The following UNC5CL variants were observed in gnomAD, a reference collection of about 807,000 sequenced individuals.
UNC5CL encodes the protein UNC5C-like protein.
A neutral mutation model predicts 54.1 loss-of-function variants in UNC5CL; 42 were observed. The ratio of observed to expected loss-of-function variants is 0.78; its 90% confidence interval spans 0.61 to 1.00. The LOEUF (loss-of-function observed/expected upper bound fraction) is 1.00, where lower values mean the gene tolerates loss of function less well. UNC5CL is among the 50% of genes least tolerant of loss of function. UNC5CL has a pLI of 0.00. For synonymous variants in UNC5CL, 285 were observed against 285.1 expected (o/e 1.00, Z 0.00); for missense variants, 619 against 675.6 (o/e 0.92, Z 0.93).
At chr6:41,035,182 G>A in intron 1 of UNC5CL, 47 bp from the exon 2 acceptor site, 1 of 1,421,786 alleles carries the variant, frequency 7.0e-7, no homozygotes, top group Admixed American at 2.5e-5. Context: ...CTTTTAAGTT[G>A]TGGAGGTCAA....
rs137858287 is a variant in UNC5CL at position 41,033,956 on chromosome 6, T to G, written c.611A>C (p.Lys204Thr). 1.4e-5 allele frequency: 22 copies of G among 1,613,966 alleles called. No homozygotes were observed. Among genetic ancestry groups the G allele is most frequent in the Non-Finnish European group, 1.9e-5 (22 of 1,180,002 alleles). Residue 204 changes from lysine (K) to threonine (T), a missense_variant, in exon 3 of 9, where the codon AAG (lysine) becomes ACG (threonine). Transcript: ENST00000244565. Reference sequence around the variant, plus strand: ...CGGCCGCCCCAGGGGCCTCCATACCTTGGCATCCAGCAGGGTAGTGTTGCT... The same window carrying G: ...CGGCCGCCCCAGGGGCCTCCATACCGTGGCATCCAGCAGGGTAGTGTTGCT... The part of the protein sequence containing the change: ...YSSNTTLLDA[K>T]VWRPLGRPGA...
At position 41,032,971 on chromosome 6, in the gene UNC5CL, C is replaced by T. The variant is rs753778795; in HGVS notation, c.862G>A (p.Gly288Ser). The change falls in exon 4 of 9, where the codon GGT becomes AGT. Residue 288 changes from glycine to serine, a missense_variant. Coordinates refer to ENST00000244565, the MANE Select transcript of UNC5CL (RefSeq NM_173561.3). ...TGGCAGGGCCCACGCAGGCGCCCAC[C>T]ATGGGGCTGCTCGTTGGTCAGTGCC... ...QWALTNEQPH[G>S]GRLRGPCQLF... 2 of 1,603,382 alleles carry T rather than the reference C, an allele frequency of 1.2e-6. No homozygotes were observed. Among genetic ancestry groups the T allele is most frequent in the Middle Eastern group, 1.7e-4 (1 of 6,052 alleles).
At chr6:41,031,618 G>A in intron 6 of UNC5CL, 63 bp downstream of exon 6, 1 of 1,539,206 alleles carries the variant, frequency 6.5e-7, no homozygotes, top group Non-Finnish European at 9.0e-7. Flanking sequence ...CAGACCCTGT[G>A]CCCACTTTGC....
rs751503319 is a variant in UNC5CL at position 41,034,185 on chromosome 6, G to A, written c.386-4C>T. On this transcript the variant is annotated splice_polypyrimidine_tract_variant and splice_region_variant and intron_variant, in intron 2 of 8. Coordinates refer to ENST00000244565, the MANE Select transcript of UNC5CL (RefSeq NM_173561.3). ...TGGCGGCCCACAGCCACAGCACCTG[G>A]CAGGGAGAGGGAGAGCTGAGATGGG... The A allele has an allele frequency of 6.3e-7, 1 of 1,599,470 alleles. No homozygotes were observed. The highest frequency in any genetic ancestry group is 1.7e-5 in the Admixed American group (1 of 58,950).
Position 41,034,699 on chromosome 6 carries a change from T to A in UNC5CL, c.376A>T (p.Ile126Phe), listed in dbSNP as rs755687083. ...AGCCAGGAGCTGTTACCTGGTGGGA[T>A]GAGCAAGGAGATGCCTGTATCCTGG... The part of the protein sequence containing the change: ...MLQDTGISLL[I>F]PPGAVAVGRQ... The change falls in exon 2 of 9, where the codon ATC becomes TTC. Residue 126 changes from isoleucine to phenylalanine, a missense_variant. Coordinates refer to ENST00000244565, the MANE Select transcript of UNC5CL (RefSeq NM_173561.3). The A allele has an allele frequency of 6.2e-7, 1 of 1,601,976 alleles. No homozygotes were observed. The highest frequency in any genetic ancestry group is 8.5e-7 in the Non-Finnish European group (1 of 1,179,200).
rs1051250116 is a variant in UNC5CL at position 41,032,989 on chromosome 6, T to C, written c.844A>G (p.Thr282Ala). The change falls in exon 4 of 9, where the codon ACC (threonine) becomes GCC (alanine). Residue 282 changes from threonine to alanine, a missense_variant. Physicochemically the swap from Thr to Ala is moderately conservative, Grantham distance 58. Transcript: ENST00000244565. ...NTPCALQWAL[T>A]NEQPHGGRLR... ...CGCCCACCATGGGGCTGCTCGTTGG[T>C]CAGTGCCCACTGCAGGGCGCAGGGC... 4.4e-6 allele frequency: 7 copies of C among 1,604,724 alleles called. No homozygotes were observed. In the African/African-American group the frequency reaches 5.3e-5, roughly 12 times the overall value.
Position 41,029,169 on chromosome 6 carries a change from T to C in UNC5CL, c.1335-574A>G, listed in dbSNP as rs984795188. On this transcript the variant is annotated intron_variant, in intron 8 of 8. Coordinates refer to ENST00000244565, the MANE Select transcript of UNC5CL (RefSeq NM_173561.3). The surrounding 1 kb of genome is among the most constrained non-coding windows in gnomAD (Gnocchi z 4.1). ...CCCTGTCTTTATGCTTTCTCTCCTT[T>C]CTCCCATCCTGAACCCCCTTAGCTC... Among the ~76,000 whole-genome samples, 37 of 152,002 alleles carry C rather than the reference T, an allele frequency of 2.4e-4. No homozygotes were observed. Among genetic ancestry groups the C allele is most frequent in the Non-Finnish European group, 1.0e-4 (7 of 68,014 alleles).
chr6:41,028,668 GGGCTGCGC>G lies in UNC5CL; in HGVS notation c.1335-81_1335-74del, dbSNP rs1347210634. On this transcript the variant is annotated intron_variant, in intron 8 of 8. Transcript: ENST00000244565. The surrounding 1 kb of genome is among the most constrained non-coding windows in gnomAD (Gnocchi z 4.3). Reference sequence around the variant, plus strand: ...GCTCCCCCCCTGCTGCAGGCTCCCTGGGCTGCGCAGCGCAAGGTCCGTCCCTTCCCCAT... The same window carrying G: ...GCTCCCCCCCTGCTGCAGGCTCCCTGAGCGCAAGGTCCGTCCCTTCCCCAT... The G allele has an allele frequency of 2.4e-4, 352 of 1,445,400 alleles. No individual in the cohort carries two copies. The highest frequency in any genetic ancestry group is 1.1e-3 in the Middle Eastern group (5 of 4,476). The allele number at this position is 1,445,400 out of a possible 1,614,324, so 89.5% of individuals were successfully genotyped here.
chr6:41,036,799 G>A (rs1762529862), intron 1 of UNC5CL, among the ~76,000 whole-genome samples: 1 of 150,160 alleles, frequency 6.7e-6, no homozygotes, highest in Non-Finnish European at 1.5e-5. Context: ...CAGCCCTACA[G>A]TGAAGCTGGA....
Position 41,028,920 on chromosome 6 carries a change from TC to T in UNC5CL, c.1335-326del, listed in dbSNP as rs1762422189. 6.7e-6 allele frequency among the ~76,000 whole-genome samples: 1 copy of T among 149,676 alleles called. No homozygotes were observed. The highest frequency in any genetic ancestry group is 2.1e-4 in the South Asian group (1 of 4,696). On this transcript the variant is annotated intron_variant, in intron 8 of 8. Transcript: ENST00000244565. The surrounding 1 kb of genome is among the most constrained non-coding windows in gnomAD (Gnocchi z 4.3). ...ATGTTCTGTAATTGCCTTCTCTACC[TC>T]CCCCACTCCAAATACACCCCTAGCC...
intron 2 of UNC5CL, 129 bp from the exon 3 acceptor site, chr6:41,034,310 G>A: frequency 9.2e-7 from 1 of 1,086,968 alleles, no homozygotes; most frequent in East Asian, 2.6e-5. Flanking sequence ...GGCACACAGG[G>A]AAGTGGTATG....
rs1016233033 is a variant in UNC5CL, at chr6:41,029,524, G to T, written c.1334+864C>A. ...ACTAGTGTGTGCGCTCCTAGGCGCC[G>T]GGACCATGCCTCATTCATCTTGTAT... On this transcript the variant is annotated intron_variant, in intron 8 of 8. Transcript: ENST00000244565. This position sits in a 1 kb window ranked among gnomAD's most constrained non-coding sequence, Gnocchi z 4.1. Among the ~76,000 whole-genome samples the T allele has an allele frequency of 6.6e-6, 1 of 152,224 alleles. No homozygotes were observed. Among genetic ancestry groups the T allele is most frequent in the South Asian group, 2.1e-4 (1 of 4,836 alleles).
intron 3 of UNC5CL, chr6:41,033,599 G>A: frequency 1.8e-6 from 1 of 547,740 alleles, no homozygotes; most frequent in Non-Finnish European, 3.2e-6. Context: ...GAGAGAGATG[G>A]GAAAGACAGG....
chr6:41,033,330 G>A (rs1244874950), intron 3 of UNC5CL, among the ~76,000 whole-genome samples, 184 bp from the exon 4 acceptor site: 1 of 152,120 alleles, frequency 6.6e-6, no homozygotes, highest in Non-Finnish European at 1.5e-5. Flanking sequence ...ATGTCACAGT[G>A]ACTGGTGACT....
chr6:41,028,337 GC>G lies in UNC5CL; in HGVS notation c.*35del, dbSNP rs1244239919. 3 of 1,516,134 alleles carry G rather than the reference GC, an allele frequency of 2.0e-6. No individual in the cohort carries two copies. The South Asian group carries it at 3.7e-5, about 18-fold the overall frequency. 93.9% of individuals were successfully genotyped at this position (1,516,134 alleles called of 1,614,324 possible). ...TAGGCGTAGGAGAACAACCCCTCTC[GC>G]CCCTACACCTCCTCCGGCCCTGCCC... On this transcript the variant is annotated 3_prime_UTR_variant, in exon 9 of 9. Coordinates refer to ENST00000244565, the MANE Select transcript of UNC5CL (RefSeq NM_173561.3). The surrounding 1 kb of genome is among the most constrained non-coding windows in gnomAD (Gnocchi z 4.3).
In UNC5CL at chr6:41,032,887, C is replaced by T. The variant is rs1289568148; in HGVS notation, c.946G>A (p.Glu316Lys). 6.3e-7 allele frequency: 1 copy of T among 1,598,790 alleles called. No homozygotes were observed. Among genetic ancestry groups the T allele is most frequent in the Non-Finnish European group, 8.5e-7 (1 of 1,172,282 alleles). Residue 316 changes from glutamate to lysine, a missense_variant, in exon 4 of 9, where the codon GAG becomes AAG. Transcript: ENST00000244565. The stretch of plus-strand genomic sequence containing the variant: ...CACAGGCCACTGCCTCCCTCACCCT[C>T]TGAGATGTACGTGAGCTTCAGGCAC... Reference protein sequence around the residue: ...DQCLKLTYISEGWENVDDSSC... With the variant: ...DQCLKLTYISKGWENVDDSSC...
chr6:41,030,362 T>C, intron 8 of UNC5CL, 26 bp downstream of exon 8: 1 of 1,610,798 alleles, frequency 6.2e-7, no homozygotes. Context: ...TCCTCTACCA[T>C]CCACAGACCT....
In UNC5CL at chr6:41,028,428, G is replaced by A. The variant is rs768224851; in HGVS notation, c.1502C>T (p.Pro501Leu). The A allele has an allele frequency of 6.2e-7, 1 of 1,612,348 alleles. No individual in the cohort carries two copies. The highest frequency in any genetic ancestry group is 1.1e-5 in the South Asian group (1 of 90,888). ...LSGTHGGSPG[P>L]ERGGARDNQG... Reference sequence around the variant, plus strand: ...GTTATCCCGGGCGCCCCCGCGCTCGGGGCCTGGGCTGCCGCCGTGTGTCCC... The same window carrying A: ...GTTATCCCGGGCGCCCCCGCGCTCGAGGCCTGGGCTGCCGCCGTGTGTCCC... Residue 501 changes from proline to leucine, a missense_variant, in exon 9 of 9, where the codon CCC (proline) becomes CTC (leucine). Pro to Leu is a moderately conservative substitution (Grantham distance 98). Transcript: ENST00000244565. The surrounding 1 kb of genome is among the most constrained non-coding windows in gnomAD (Gnocchi z 4.3).
chr6:41,036,455 T>C (rs9462668), intron 1 of UNC5CL, among the ~76,000 whole-genome samples: 38,305 of 152,118 alleles, frequency 0.25, 5,031 homozygotes, highest in African/African-American at 0.32. Flanking sequence ...AAGGTGTGAA[T>C]AAAAACTTTG....
Sources: allele counts gnomAD v4.1 joint callset (sites outside exome capture counted in the v4.1 genomes callset), GRCh38; gene constraint gnomAD v4.1.1; non-coding constraint Gnocchi (gnomAD v3.1); transcripts MANE v1.5; gene names NCBI Gene and HGNC (gene_info 2026-07-23, HGNC 2026-07-21).